Variants in MAD1L1 observed in about 807,000 individuals in gnomAD.
The protein encoded by MAD1L1 is mitotic spindle assembly checkpoint protein MAD1.
In MAD1L1, 95 loss-of-function variants were observed where a neutral mutation model predicts 96.9. The ratio of observed to expected loss-of-function variants is 0.98; its 90% confidence interval spans 0.83 to 1.16. MAD1L1 has a LOEUF of 1.16. Among genes scored for constraint, MAD1L1 ranks in the 50% most tolerant of loss-of-function variants. The probability of loss-of-function intolerance (pLI) is 0.00; values close to 1 mark genes in which losing one functional copy is unlikely to be tolerated. For missense variants in MAD1L1, 1,007 were observed against 954.4 expected (o/e 1.06, Z -0.73); for synonymous variants, 473 against 396.6 (o/e 1.19, Z -2.29).
At chr7:2,133,531 C>T (rs1176644388) in intron 11 of MAD1L1, among the ~76,000 whole-genome samples, 1 of 152,264 alleles carries the variant, frequency 6.6e-6, no homozygotes, top group Non-Finnish European at 1.5e-5. Flanking sequence ...CAGTTTCCTT[C>T]GCAGAGCAGC....
At chr7:2,132,395 ACGGCCGCG>A (rs1562716821) in intron 11 of MAD1L1, among the ~76,000 whole-genome samples, 1 of 112,624 alleles carries the variant, frequency 8.9e-6, no homozygotes, top group East Asian at 3.4e-4. Context: ...GTCCACCATC[ACGGCCGCG>A]TGCAGTCGGT....
intron 16 of MAD1L1, among the ~76,000 whole-genome samples, chr7:1,947,365 CAA>C (rs1562552056): frequency 1.3e-5 from 2 of 152,226 alleles, no homozygotes; most frequent in African/African-American, 4.8e-5. Context: ...GAAGCAGCGA[CAA>C]GAGGGGAATG....
intron 14 of MAD1L1, 120 bp from the exon 15 acceptor site, chr7:1,980,661 C>G: frequency 6.5e-6 from 5 of 768,526 alleles, no homozygotes; most frequent in Non-Finnish European, 1.2e-5. Context: ...CTGGGAGCTG[C>G]GGGAGAGACC....
chr7:2,024,516 T>C lies in MAD1L1; in HGVS notation c.1219-9874A>G, dbSNP rs575315338. On this transcript the variant is annotated intron_variant, in intron 12 of 18. Transcript: ENST00000265854. ...GAAATTGGCGGTGAGCCAATTTCCT[T>C]CAACTCCCATAGAAACTCCACAATG... 3.9e-5 allele frequency among the ~76,000 whole-genome samples: 6 copies of C among 152,320 alleles called. No homozygotes were observed. The South Asian group carries it at 1.2e-3, about 32-fold the overall frequency.
intron 12 of MAD1L1, among the ~76,000 whole-genome samples, chr7:2,024,314 T>G (rs547356566): frequency 6.6e-6 from 1 of 152,112 alleles, no homozygotes; most frequent in South Asian, 2.1e-4. Flanking sequence ...GAGGAAGAGA[T>G]CACATGAATC....
chr7:1,902,641 C>A (rs1787317333), intron 17 of MAD1L1, among the ~76,000 whole-genome samples: 1 of 151,530 alleles, frequency 6.6e-6, no homozygotes, highest in Non-Finnish European at 1.5e-5. Context: ...CCACGCAGAA[C>A]CAGGTCGGCC....
chr7:2,097,374 C>A (rs542777895), intron 11 of MAD1L1, among the ~76,000 whole-genome samples: 1 of 152,202 alleles, frequency 6.6e-6, no homozygotes, highest in Non-Finnish European at 1.5e-5. Context: ...CAAAGCAGCA[C>A]AATGCAGGCA....
chr7:2,141,147 G>A (rs968234174), intron 11 of MAD1L1, among the ~76,000 whole-genome samples: 43 of 152,226 alleles, frequency 2.8e-4, no homozygotes, highest in Admixed American at 7.2e-4. Context: ...CTCGCCTTGC[G>A]GGCTCTGCCT....
chr7:1,849,436 A>G (rs2128639326), intron 18 of MAD1L1: 1 of 152,340 alleles, frequency 6.6e-6, no homozygotes, highest in Admixed American at 6.5e-5. Flanking sequence ...TGCTTTATGA[A>G]GTGCTGCCTG....
chr7:2,225,983 A>G (rs1368738896), intron 3 of MAD1L1, among the ~76,000 whole-genome samples: 3 of 152,200 alleles, frequency 2.0e-5, no homozygotes, highest in Non-Finnish European at 4.4e-5. Flanking sequence ...CTGCCAGCCC[A>G]GTACAGCCAT....
chr7:1,888,717 G>A (rs1786343200), intron 18 of MAD1L1, among the ~76,000 whole-genome samples: 1 of 152,020 alleles, frequency 6.6e-6, no homozygotes, highest in South Asian at 2.1e-4. Context: ...GGCTGCCCGT[G>A]CATGTGGGTG....
intron 14 of MAD1L1, among the ~76,000 whole-genome samples, chr7:1,993,759 T>C (rs1000068056): frequency 1.3e-5 from 2 of 152,142 alleles, no homozygotes; most frequent in Non-Finnish European, 2.9e-5. Flanking sequence ...CTTTGCAAAC[T>C]GGTAAAAACT....
chr7:2,184,807 G>A (rs1418942482), intron 10 of MAD1L1, among the ~76,000 whole-genome samples: 1 of 151,992 alleles, frequency 6.6e-6, no homozygotes, highest in Non-Finnish European at 1.5e-5. Context: ...TTCGAGACCA[G>A]CCTGGCCAAC....
chr7:2,186,168 T>C (rs979787007), intron 10 of MAD1L1, among the ~76,000 whole-genome samples: 2 of 152,212 alleles, frequency 1.3e-5, no homozygotes, highest in Non-Finnish European at 2.9e-5. Flanking sequence ...ATTATTAAAG[T>C]GTTAAATATT....
At chr7:2,170,435 G>A (rs1038366436) in intron 10 of MAD1L1, among the ~76,000 whole-genome samples, 2 of 152,192 alleles carry the variant, frequency 1.3e-5, no homozygotes, top group African/African-American at 4.8e-5. Context: ...GTGGGAGAAA[G>A]CACAGAACTC....
chr7:1,880,542 A>G (rs906909821), intron 18 of MAD1L1, among the ~76,000 whole-genome samples: 5 of 152,124 alleles, frequency 3.3e-5, no homozygotes, highest in African/African-American at 1.2e-4. Context: ...CCCGCTCACT[A>G]CAAACTGACT....
At chr7:2,168,848 G>A (rs1180674515) in intron 10 of MAD1L1, among the ~76,000 whole-genome samples, 1 of 152,228 alleles carries the variant, frequency 6.6e-6, no homozygotes, top group Non-Finnish European at 1.5e-5. Flanking sequence ...GAGGACTCAG[G>A]TTTTATTCCG....
intron 17 of MAD1L1, among the ~76,000 whole-genome samples, chr7:1,919,022 C>T (rs774285901): frequency 6.6e-6 from 1 of 152,248 alleles, no homozygotes; most frequent in South Asian, 2.1e-4. Context: ...CAGTTCCCTC[C>T]GGCCCATGCC....
chr7:1,982,564 C>T (rs902623238), intron 14 of MAD1L1, among the ~76,000 whole-genome samples: 12 of 152,146 alleles, frequency 7.9e-5, no homozygotes, highest in South Asian at 6.2e-4. Context: ...TTTTGTTTCC[C>T]GCCCCCTTCA....
Sources: gnomAD v4.1 joint callset for allele counts (sites outside exome capture counted in the v4.1 genomes callset) on GRCh38, gnomAD v4.1.1 for gene constraint, MANE v1.5 for transcripts, NCBI Gene and HGNC (gene_info 2026-07-23, HGNC 2026-07-21) for gene names.